Variants in MRTFB observed in about 807,000 individuals in gnomAD.
MRTFB encodes the protein myocardin-related transcription factor B.
In MRTFB, 29 loss-of-function variants were observed where a neutral mutation model predicts 104.2. The observed-to-expected ratio is 0.28, with a 90% confidence interval of 0.21 to 0.38. MRTFB has a LOEUF of 0.38. Among genes scored for constraint, MRTFB ranks in the 10% least tolerant of loss-of-function variants. The pLI is 1.00. For missense variants in MRTFB, 1,270 were observed against 1,341.6 expected, an observed-to-expected ratio of 0.95 and a Z score of 0.83; for synonymous variants, 535 against 519.5, an observed-to-expected ratio of 1.03 and a Z score of -0.41.
chr16:14,127,913 ATATATATATATATATATTTT>A (rs1208625599), intron 2 of MRTFB, among the ~76,000 whole-genome samples: 7 of 45,532 alleles, frequency 1.5e-4, no homozygotes, highest in Admixed American at 4.6e-4. Context: ...ATATATATAT[ATATATATATATATATATTTT>A]TTTTTTTTTT....
At chr16:14,230,643 G>C (rs1352438421) in intron 8 of MRTFB, among the ~76,000 whole-genome samples, 1 of 152,166 alleles carries the variant, frequency 6.6e-6, no homozygotes, top group Non-Finnish European at 1.5e-5. Context: ...ACAGGTACTG[G>C]AGAGGATGTG....
intron 15 of MRTFB, 46 bp from the exon 16 acceptor site, chr16:14,258,055 C>G (rs1226853957): frequency 6.6e-7 from 1 of 1,504,944 alleles, no homozygotes; most frequent in South Asian, 1.1e-5. Context: ...ATAATGCTTC[C>G]AGGTTTGTAT....
At chr16:14,235,994 A>G (rs570300896) in intron 9 of MRTFB, among the ~76,000 whole-genome samples, 1 of 152,312 alleles carries the variant, frequency 6.6e-6, no homozygotes, top group Admixed American at 6.5e-5. Context: ...AGCCTGGGCA[A>G]CATGGCAAAA....
At chr16:14,091,541 A>G (rs9941026) in intron 2 of MRTFB, among the ~76,000 whole-genome samples, 18,451 of 152,076 alleles carry the variant, frequency 0.12, 2,527 homozygotes, top group African/African-American at 0.34. Context: ...CCGGCCAGGC[A>G]CTGGGGTCTT....
At chr16:14,121,732 G>A (rs1035985792) in intron 2 of MRTFB, among the ~76,000 whole-genome samples, 17 of 152,032 alleles carry the variant, frequency 1.1e-4, no homozygotes, top group Admixed American at 9.2e-4. Flanking sequence ...AAAATTTGAC[G>A]CAATACCAAA....
chr16:14,218,931 C>T lies in MRTFB; in HGVS notation c.626C>T (p.Ala209Val), dbSNP rs1249462796. ...QPASQESQGSAASPSEPKVSE... is the reference protein window; with the variant it reads ...QPASQESQGSVASPSEPKVSE... ...GCGAGTCAGGAGTCACAGGGGTCAGCCGCGTCCCCAAGTGAGCCAAAAGTT... is the reference window on the plus strand; with the variant it reads ...GCGAGTCAGGAGTCACAGGGGTCAGTCGCGTCCCCAAGTGAGCCAAAAGTT... Residue 209 changes from alanine to valine, a missense_variant, in exon 8 of 17, where the codon GCC becomes GTC. Physicochemically the swap from Ala to Val is moderately conservative, Grantham distance 64. This residue lies in a region of MRTFB where 1,144 missense variants were observed against 1,131.5 expected (regional missense o/e 1.01). Transcript: ENST00000571589. The T allele has an allele frequency of 1.2e-6, 2 of 1,613,950 alleles. No individual in the cohort carries two copies. The highest frequency in any genetic ancestry group is 2.7e-5 in the African/African-American group (2 of 74,896).
intron 2 of MRTFB, among the ~76,000 whole-genome samples, chr16:14,137,279 C>G (rs1347897564): frequency 6.6e-6 from 1 of 152,094 alleles, no homozygotes; most frequent in African/African-American, 2.4e-5. Flanking sequence ...AAAACTTAAT[C>G]TTTGCCTTTG....
intron 2 of MRTFB, among the ~76,000 whole-genome samples, chr16:14,128,380 G>C (rs2037263664): frequency 6.6e-6 from 1 of 152,148 alleles, no homozygotes; most frequent in South Asian, 2.1e-4. Context: ...CTGGGCAGGA[G>C]CTGGCCCACA....
intron 3 of MRTFB, chr16:14,187,069 A>C: frequency 6.4e-7 from 1 of 1,560,230 alleles, no homozygotes. Flanking sequence ...CAAAACTGCC[A>C]AATTCATATT....
Position 14,249,474 on chromosome 16 carries a change from A to C in MRTFB, c.2403+393A>C, listed in dbSNP as rs186857151. On this transcript the variant is annotated intron_variant, in intron 13 of 16. Coordinates refer to ENST00000571589, the MANE Select transcript of MRTFB (RefSeq NM_001308142.2). ...TTTGAAGATGAAAAAGATACTCCCA[A>C]AATGTTTATGCTGAGTAAGATCTTG... 3.9e-5 allele frequency among the ~76,000 whole-genome samples: 6 copies of C among 152,332 alleles called. No individual in the cohort carries two copies. The South Asian group carries it at 8.3e-4, about 21-fold the overall frequency.
intron 9 of MRTFB, among the ~76,000 whole-genome samples, chr16:14,235,039 G>C (rs1324247327): frequency 6.6e-6 from 1 of 152,170 alleles, no homozygotes; most frequent in Non-Finnish European, 1.5e-5. Flanking sequence ...CAGATGGGGA[G>C]ACTGAGGCCC....
At chr16:14,016,262 A>G in the MRTFB span, among the ~76,000 whole-genome samples, 1 of 152,150 alleles carries the variant, frequency 6.6e-6, no homozygotes, top group Non-Finnish European at 1.5e-5. Context: ...AGCAGCAATC[A>G]AGTCACCATC....
intron 3 of MRTFB, among the ~76,000 whole-genome samples, chr16:14,208,467 CTT>C (rs981527830): frequency 6.6e-6 from 1 of 152,128 alleles, no homozygotes; most frequent in African/African-American, 2.4e-5. Flanking sequence ...CTTTTTTACT[CTT>C]TTGAGGATTC....
In MRTFB at chr16:14,266,259, T is replaced by C. The variant is rs1463981021; in HGVS notation, c.*4815T>C. 2.0e-5 allele frequency: 3 copies of C among 152,256 alleles called. No individual in the cohort carries two copies. The highest frequency in any genetic ancestry group is 3.2e-3 in the Middle Eastern group (1 of 316). 9.4% of individuals were successfully genotyped at this position (152,256 alleles called of 1,614,324 possible). A position where few individuals can be genotyped will look rare whatever the true frequency, so the allele number is the denominator to read the frequency against. ...CATGTAAAATAGTATAGAGTTGTTT[T>C]GTTGGTTTAAGAGTAACATTCAGTA... is the stretch of plus-strand genomic sequence containing the variant. On this transcript the variant is annotated 3_prime_UTR_variant, in exon 17 of 17. Coordinates refer to ENST00000571589, the MANE Select transcript of MRTFB (RefSeq NM_001308142.2).
intron 3 of MRTFB, among the ~76,000 whole-genome samples, chr16:14,158,175 C>G (rs1555491870): frequency 6.6e-6 from 1 of 152,094 alleles, no homozygotes; most frequent in East Asian, 1.9e-4. Flanking sequence ...TTTCTCATTC[C>G]TTTTGGTAAT....
intron 6 of MRTFB, 89 bp from the exon 7 acceptor site, chr16:14,217,037 A>G: frequency 1.5e-6 from 2 of 1,320,786 alleles, no homozygotes; most frequent in South Asian, 3.6e-5. Flanking sequence ...TGTCTAAATC[A>G]GTTTAAATTC....
intron 12 of MRTFB, chr16:14,247,709 T>G (rs536013051): frequency 5.5e-5 from 32 of 586,618 alleles, no homozygotes; most frequent in African/African-American, 5.4e-4. Flanking sequence ...CACAGGATGC[T>G]TTTCTAGTCC....
the MRTFB span, among the ~76,000 whole-genome samples, chr16:14,059,098 A>G: frequency 4.6e-5 from 7 of 152,116 alleles, no homozygotes; most frequent in Non-Finnish European, 8.8e-5. Flanking sequence ...TTTGCCACAT[A>G]ATAATTGTTC....
At chr16:14,202,896 T>C (rs2040770833) in intron 3 of MRTFB, among the ~76,000 whole-genome samples, 1 of 152,220 alleles carries the variant, frequency 6.6e-6, no homozygotes, top group African/African-American at 2.4e-5. Context: ...TTTTCTAAAC[T>C]GTCTTGTTTT....
Sources: allele counts gnomAD v4.1 joint callset (sites outside exome capture counted in the v4.1 genomes callset), GRCh38; gene constraint gnomAD v4.1.1; regional missense constraint gnomAD v4.1.1; transcripts MANE v1.5; gene names NCBI Gene and HGNC (gene_info 2026-07-23, HGNC 2026-07-21).